The following GALNTL6 variants were observed in gnomAD, a reference collection of about 807,000 sequenced individuals.
GALNTL6 encodes polypeptide N-acetylgalactosaminyltransferase-like 6.
GALNTL6 carries 46 observed loss-of-function variants against 73.7 expected under a neutral mutation model. The ratio of observed to expected loss-of-function variants is 0.62; its 90% CI spans 0.49 to 0.80. The LOEUF (loss-of-function observed/expected upper bound fraction) is 0.80, where lower values mean the gene tolerates loss of function less well. Among genes scored for constraint, GALNTL6 ranks in the 30% least tolerant of loss-of-function variants. The pLI is 0.00. For missense variants in GALNTL6, 604 were observed against 755.0 expected (o/e 0.80, Z 2.34); for synonymous variants, 259 against 263.7 (o/e 0.98, Z 0.17).
intron 9 of GALNTL6, among the ~76,000 whole-genome samples, chr4:172,948,618 ATTT>A (rs369982668): frequency 2.2e-5 from 3 of 136,540 alleles, no homozygotes; most frequent in Non-Finnish European, 4.7e-5. Flanking sequence ...AGCCTCGCTA[ATTT>A]TTTTTTTTTT....
At chr4:172,502,740 A>G (rs1734305319) in intron 5 of GALNTL6, among the ~76,000 whole-genome samples, 1 of 152,254 alleles carries the variant, frequency 6.6e-6, no homozygotes, top group African/African-American at 2.4e-5. Flanking sequence ...TGTATTCTAG[A>G]AGAACACAAC....
At chr4:171,966,690 T>G (rs1739391717) in intron 2 of GALNTL6, among the ~76,000 whole-genome samples, 1 of 152,134 alleles carries the variant, frequency 6.6e-6, no homozygotes, top group Non-Finnish European at 1.5e-5. Context: ...AGTTGTGAAT[T>G]TGGGGGTTTT....
intron 2 of GALNTL6, among the ~76,000 whole-genome samples, chr4:172,181,801 C>G (rs922574179): frequency 6.6e-6 from 1 of 150,692 alleles, no homozygotes; most frequent in Non-Finnish European, 1.5e-5. Context: ...ACTGCAGCCT[C>G]CACTCCTGGG....
At chr4:172,156,937 C>T (rs868686442) in intron 2 of GALNTL6, among the ~76,000 whole-genome samples, 2 of 152,034 alleles carry the variant, frequency 1.3e-5, no homozygotes, top group South Asian at 2.1e-4. Flanking sequence ...TACTTGTTTT[C>T]CTGTAATCAG....
intron 2 of GALNTL6, among the ~76,000 whole-genome samples, chr4:172,173,788 G>A (rs562371178): frequency 2.4e-4 from 37 of 152,170 alleles, no homozygotes; most frequent in Non-Finnish European, 4.6e-4. Flanking sequence ...ATAGGGAAAA[G>A]ACATCATAGG....
intron 2 of GALNTL6, among the ~76,000 whole-genome samples, chr4:172,065,911 G>A (rs1346521945): frequency 6.6e-6 from 1 of 152,076 alleles, no homozygotes; most frequent in Non-Finnish European, 1.5e-5. Context: ...GAACAGCATG[G>A]GGGAACCTCC....
intron 8 of GALNTL6, among the ~76,000 whole-genome samples, chr4:172,929,863 T>G (rs1432596342): frequency 2.0e-5 from 3 of 152,208 alleles, no homozygotes; most frequent in African/African-American, 7.2e-5. Flanking sequence ...ATTTATGTTT[T>G]GATAATTAGT....
At chr4:172,001,072 G>A (rs1391072891) in intron 2 of GALNTL6, among the ~76,000 whole-genome samples, 1 of 152,120 alleles carries the variant, frequency 6.6e-6, no homozygotes, top group Non-Finnish European at 1.5e-5. Context: ...TGTTGTAATA[G>A]TAGTTGTAAT....
chr4:172,137,615 A>G (rs542996958), intron 2 of GALNTL6, among the ~76,000 whole-genome samples: 2 of 152,352 alleles, frequency 1.3e-5, no homozygotes, highest in African/African-American at 4.8e-5. Flanking sequence ...ATTTGCCAAC[A>G]GACTTTAGAA....
chr4:172,416,417 A>G (rs1053046099), intron 5 of GALNTL6, among the ~76,000 whole-genome samples: 3 of 152,350 alleles, frequency 2.0e-5, no homozygotes, highest in African/African-American at 7.2e-5. Flanking sequence ...GCAGTAAGAT[A>G]TTCTTTCAAT....
chr4:171,919,977 A>G (rs895848786), intron 2 of GALNTL6, among the ~76,000 whole-genome samples: 1 of 152,220 alleles, frequency 6.6e-6, no homozygotes, highest in Admixed American at 6.5e-5. Context: ...TTGCGGCACT[A>G]TTCACAATAG....
chr4:172,373,554 T>A (rs1206372634), intron 5 of GALNTL6, among the ~76,000 whole-genome samples: 1 of 152,196 alleles, frequency 6.6e-6, no homozygotes, highest in Non-Finnish European at 1.5e-5. Flanking sequence ...TTGCCTTTGA[T>A]AAGGAAAAGA....
intron 4 of GALNTL6, among the ~76,000 whole-genome samples, chr4:172,313,198 T>G (rs1331088017): frequency 7.0e-6 from 1 of 143,344 alleles, no homozygotes; most frequent in Non-Finnish European, 1.5e-5. Flanking sequence ...TGATCTCGGC[T>G]CACTGCAAGC....
chr4:172,668,947 C>T (rs771720138), intron 5 of GALNTL6: 1 of 151,778 alleles, frequency 6.6e-6, no homozygotes, highest in Non-Finnish European at 1.5e-5. Context: ...AAGTACTGAA[C>T]TTGAAAACTC....
At chr4:172,904,963 GACA>G in intron 8 of GALNTL6, among the ~76,000 whole-genome samples, 1 of 152,208 alleles carries the variant, frequency 6.6e-6, no homozygotes, top group Middle Eastern at 3.4e-3. Context: ...GATTTTAATA[GACA>G]ACATCTCTTT....
intron 5 of GALNTL6, among the ~76,000 whole-genome samples, chr4:172,419,515 G>A (rs1730975705): frequency 1.3e-5 from 2 of 152,094 alleles, no homozygotes; most frequent in African/African-American, 2.4e-5. Flanking sequence ...CATAGTGTGA[G>A]GCACTTTGGA....
At chr4:172,487,351 T>TTTCTTTCCTTCTTTCC (rs1554029574) in intron 5 of GALNTL6, among the ~76,000 whole-genome samples, 15 of 104,566 alleles carry the variant, frequency 1.4e-4, no homozygotes, top group African/African-American at 2.8e-4. Flanking sequence ...TCTTTCTTTC[T>TTTCTTTCCTTCTTTCC]TTCTTTCCTT....
At chr4:172,381,139 C>T (rs1379141367) in intron 5 of GALNTL6, among the ~76,000 whole-genome samples, 1 of 152,134 alleles carries the variant, frequency 6.6e-6, no homozygotes, top group Non-Finnish European at 1.5e-5. Context: ...ATTATACTTA[C>T]TTTTTATTAT....
At chr4:172,167,571 A>G (rs540149532) in intron 2 of GALNTL6, among the ~76,000 whole-genome samples, 1 of 152,378 alleles carries the variant, frequency 6.6e-6, no homozygotes, top group South Asian at 2.1e-4. Flanking sequence ...AGAAATAACT[A>G]TATATGACCA....
Sources: gnomAD v4.1 joint callset for allele counts (sites outside exome capture counted in the v4.1 genomes callset) on GRCh38, gnomAD v4.1.1 for gene constraint, MANE v1.5 for transcripts, NCBI Gene and HGNC (gene_info 2026-07-23, HGNC 2026-07-21) for gene names.